XYLT1: variants seen among roughly 807,000 people sequenced by gnomAD.
XYLT1 encodes beta-D-xylosyltransferase 1.
In XYLT1, 36 loss-of-function variants were observed where a neutral mutation model predicts 91.3. The ratio of observed to expected loss-of-function variants is 0.39; its 90% CI spans 0.30 to 0.52. The LOEUF (loss-of-function observed/expected upper bound fraction) is 0.52, where lower values mean the gene tolerates loss of function less well. Ranked by LOEUF, XYLT1 falls within the 20% of genes least tolerant of loss-of-function variation. The pLI is 0.68. For missense variants in XYLT1, 1,242 were observed against 1,284.5 expected, an observed-to-expected ratio of 0.97 and a Z score of 0.51; for synonymous variants, 588 against 532.0, an observed-to-expected ratio of 1.11 and a Z score of -1.45.
rs962408701 is a variant in XYLT1 at position 17,188,409 on chromosome 16, C to T, written c.1289+9803G>A. On this transcript the variant is annotated intron_variant, in intron 5 of 11. Transcript: ENST00000261381. ...CCTCATTTGTAAGAAGGCAAACCCTCGCCTCTTATGTTTCACCCATAGTTG... is the reference window on the plus strand; with the variant it reads ...CCTCATTTGTAAGAAGGCAAACCCTTGCCTCTTATGTTTCACCCATAGTTG... Among the ~76,000 whole-genome samples the T allele has an allele frequency of 5.3e-5, 8 of 152,298 alleles. No homozygotes were observed. The South Asian group carries it at 6.2e-4, about 12-fold the overall frequency.
rs551352081 is a variant in XYLT1 at position 17,447,337 on chromosome 16, T to A, written c.363+23097A>T. ...GGCTGCTCCCAGCCCACGTGATACATTTCAGGCTTGGGGCAGAATGTCTGA... is the reference window on the plus strand; with the variant it reads ...GGCTGCTCCCAGCCCACGTGATACAATTCAGGCTTGGGGCAGAATGTCTGA... On this transcript the variant is annotated intron_variant, in intron 1 of 11. Transcript: ENST00000261381. Among the ~76,000 whole-genome samples the A allele has an allele frequency of 1.5e-4, 23 of 152,274 alleles. 1 individual carries two copies. In the South Asian group the frequency reaches 4.1e-3, roughly 27 times the overall value.
chr16:17,183,364 G>C (rs1380550180), intron 5 of XYLT1, among the ~76,000 whole-genome samples: 1 of 152,166 alleles, frequency 6.6e-6, no homozygotes, highest in African/African-American at 2.4e-5. Flanking sequence ...AGAAACCAAG[G>C]ATTTAGATGG....
chr16:17,163,371 T>G (rs1164418292), intron 5 of XYLT1, among the ~76,000 whole-genome samples: 1 of 152,062 alleles, frequency 6.6e-6, no homozygotes, highest in Non-Finnish European at 1.5e-5. Context: ...GAGCCCAGGC[T>G]GTATGGAAAA....
At chr16:17,110,039 T>A (rs1966831925) in intron 11 of XYLT1, among the ~76,000 whole-genome samples, 2 of 152,164 alleles carry the variant, frequency 1.3e-5, no homozygotes, top group South Asian at 2.1e-4. Flanking sequence ...GTGAAGCACT[T>A]CATACAAGAG....
At chr16:17,428,141 G>A (rs773598935) in intron 1 of XYLT1, among the ~76,000 whole-genome samples, 5 of 152,082 alleles carry the variant, frequency 3.3e-5, no homozygotes, top group Admixed American at 6.6e-5. Flanking sequence ...ACACCATCAC[G>A]CACAGCTAGT....
chr16:17,158,826 T>A lies in XYLT1; in HGVS notation c.1370+3A>T. On this transcript the variant is annotated splice_donor_region_variant and intron_variant, in intron 6 of 11. Transcript: ENST00000261381. ...TGTACAGGGGTAGGGGTTGAGGTGC[T>A]ACCTTGCATTGTCCCGGCCGTGTGA... The A allele has an allele frequency of 2.5e-6, 4 of 1,614,030 alleles. No individual in the cohort carries two copies. The highest frequency in any genetic ancestry group is 3.4e-6 in the Non-Finnish European group (4 of 1,179,922).
intron 5 of XYLT1, among the ~76,000 whole-genome samples, chr16:17,178,541 G>A (rs923416603): frequency 2.6e-5 from 4 of 152,192 alleles, no homozygotes; most frequent in African/African-American, 9.6e-5. Context: ...GGGCTGAGAT[G>A]TACGTGTTCT....
chr16:17,426,714 A>G (rs1448251141), intron 1 of XYLT1, among the ~76,000 whole-genome samples: 1 of 152,166 alleles, frequency 6.6e-6, no homozygotes, highest in African/African-American at 2.4e-5. Context: ...TTGCCCAACA[A>G]TGGCAGAGCT....
At chr16:17,391,651 A>G (rs2035821012) in intron 1 of XYLT1, among the ~76,000 whole-genome samples, 1 of 152,088 alleles carries the variant, frequency 6.6e-6, no homozygotes, top group Non-Finnish European at 1.5e-5. Context: ...CTTTACTCCC[A>G]GGGTCCTTTC....
chr16:17,444,069 C>T (rs1213761974), intron 1 of XYLT1, among the ~76,000 whole-genome samples: 1 of 152,164 alleles, frequency 6.6e-6, no homozygotes, highest in Non-Finnish European at 1.5e-5. Flanking sequence ...CTCCAGCCTT[C>T]ACATTTTCTG....
chr16:17,172,773 G>A (rs1597168176), intron 5 of XYLT1, among the ~76,000 whole-genome samples: 3 of 152,094 alleles, frequency 2.0e-5, no homozygotes, highest in Non-Finnish European at 2.9e-5. Context: ...GCACCTGGCC[G>A]ACTGTGTTCA....
chr16:17,304,946 G>A (rs2034449754), intron 2 of XYLT1, among the ~76,000 whole-genome samples: 1 of 152,150 alleles, frequency 6.6e-6, no homozygotes, highest in Non-Finnish European at 1.5e-5. Flanking sequence ...TGCAGCTGTA[G>A]GCCCAGAAAG....
rs74013007 is a variant in XYLT1, at chr16:17,303,695, G to A, written c.403-44197C>T. 2.6e-3 allele frequency among the ~76,000 whole-genome samples: 399 copies of A among 152,184 alleles called. 1 individual carries two copies. The highest frequency in any genetic ancestry group is 8.4e-3 in the African/African-American group (347 of 41,512). ...GGAGTAAGAGGAGGAATCATTTCAC[G>A]CCACATGTCTGTCTTTAAAACACAT... On this transcript the variant is annotated intron_variant, in intron 2 of 11. Coordinates refer to ENST00000261381, the MANE Select transcript of XYLT1 (RefSeq NM_022166.4).
Position 17,409,647 on chromosome 16 carries a change from T to C in XYLT1, c.364-51597A>G, listed in dbSNP as rs113373435. On this transcript the variant is annotated intron_variant, in intron 1 of 11. Coordinates refer to ENST00000261381, the MANE Select transcript of XYLT1 (RefSeq NM_022166.4). ...TCACTGCAACCTCTGCCTATCGGGTTCATGTGGTTCTCCTGCTTCAACCTC... is the reference window on the plus strand; with the variant it reads ...TCACTGCAACCTCTGCCTATCGGGTCCATGTGGTTCTCCTGCTTCAACCTC... 3.5e-3 allele frequency among the ~76,000 whole-genome samples: 537 copies of C among 151,436 alleles called. 2 individuals carry two copies. The highest frequency in any genetic ancestry group is 0.012 in the African/African-American group (491 of 41,184).
intron 3 of XYLT1, among the ~76,000 whole-genome samples, chr16:17,229,648 A>G (rs555692753): frequency 6.6e-6 from 1 of 152,272 alleles, no homozygotes; most frequent in East Asian, 1.9e-4. Context: ...TCATTTTACC[A>G]TGGGGAATGC....
intron 5 of XYLT1, among the ~76,000 whole-genome samples, chr16:17,174,635 A>C (rs906146521): frequency 6.6e-6 from 1 of 152,182 alleles, no homozygotes; most frequent in African/African-American, 2.4e-5. Flanking sequence ...GGGAATGAGG[A>C]GTGACTGCTT....
chr16:17,130,320 GT>G (rs1182162122), intron 9 of XYLT1, among the ~76,000 whole-genome samples: 4 of 152,222 alleles, frequency 2.6e-5, no homozygotes, highest in African/African-American at 9.6e-5. Flanking sequence ...GTTTCACAGT[GT>G]TATCGTGACA....
At chr16:17,157,103 A>G (rs1392949309) in intron 6 of XYLT1, among the ~76,000 whole-genome samples, 1 of 152,038 alleles carries the variant, frequency 6.6e-6, no homozygotes, top group Non-Finnish European at 1.5e-5. Context: ...GTGCACCACC[A>G]CACCCGGCTA....
At chr16:17,301,417 T>C (rs2034393259) in intron 2 of XYLT1, among the ~76,000 whole-genome samples, 1 of 152,072 alleles carries the variant, frequency 6.6e-6, no homozygotes, top group African/African-American at 2.4e-5. Context: ...CTCAAAATAA[T>C]AATAATAGTC....
Sources: allele counts gnomAD v4.1 joint callset (sites outside exome capture counted in the v4.1 genomes callset), GRCh38; gene constraint gnomAD v4.1.1; transcripts MANE v1.5; gene names NCBI Gene and HGNC (gene_info 2026-07-23, HGNC 2026-07-21).